MID2: variants seen among roughly 807,000 people sequenced by gnomAD.
MID2 encodes the protein midline 2.
MID2 carries 13 observed loss-of-function variants against 46.1 expected under a neutral mutation model. That is an observed-to-expected ratio of 0.28 (90% CI 0.18 to 0.45). MID2 has a LOEUF of 0.45. Among genes scored for constraint, MID2 ranks in the 20% least tolerant of loss-of-function variants. The pLI, the probability that MID2 is intolerant of heterozygous loss-of-function variation, is 1.00. For missense variants in MID2, 431 were observed against 575.4 expected (o/e 0.75, Z 2.57); for synonymous variants, 199 against 212.3 (o/e 0.94, Z 0.55).
At chrX:107,891,845 C>T (rs762786178) in intron 3 of MID2, among the ~76,000 whole-genome samples, 2 of 111,479 alleles carry the variant, frequency 1.8e-5, no homozygotes, top group African/African-American at 3.3e-5. Context: ...GCAACATAGG[C>T]TCTTCTTCAG....
intron 3 of MID2, among the ~76,000 whole-genome samples, chrX:107,877,703 G>A (rs751923688): frequency 8.9e-6 from 1 of 112,030 alleles, no homozygotes; most frequent in Admixed American, 9.4e-5. Context: ...ATGCCGTGGA[G>A]CATGGCCTCC....
rs1324326448 is a variant in MID2, at chrX:107,926,729, G to C, written c.1864G>C (p.Ala622Pro). 1.7e-6 allele frequency: 2 copies of C among 1,210,492 alleles called. No homozygotes were observed. Among genetic ancestry groups the C allele is most frequent in the South Asian group, 3.5e-5 (2 of 56,914 alleles). The stretch of plus-strand genomic sequence containing the variant: ...AAAGAATGAATGGATTGGCAAGAAT[G>C]CCTCCTCATGGGTCTTCTCTCGCTG... ...APKNEWIGKNASSWVFSRCNS... is the reference protein window; with the variant it reads ...APKNEWIGKNPSSWVFSRCNS... Residue 622 changes from alanine to proline, a missense_variant, in exon 10 of 10, where the codon GCC (alanine) becomes CCC (proline). Ala to Pro is a conservative substitution (Grantham distance 27). Coordinates refer to ENST00000262843, the MANE Select transcript of MID2 (RefSeq NM_012216.4).
intron 1 of MID2, among the ~76,000 whole-genome samples, chrX:107,839,982 G>A (rs1931300826): frequency 8.9e-6 from 1 of 111,964 alleles, no homozygotes; most frequent in African/African-American, 3.2e-5. Flanking sequence ...CTGAAGGTGA[G>A]GGAAGAAGAT....
intron 3 of MID2, among the ~76,000 whole-genome samples, chrX:107,866,412 AG>A (rs1931955924): frequency 1.0e-5 from 1 of 96,256 alleles, no homozygotes; most frequent in Admixed American, 1.3e-4. Flanking sequence ...TCAGCAGCAA[AG>A]CCACTGAAAA....
Position 107,926,868 on chromosome X carries a change from A to G in MID2, c.2003A>G (p.Tyr668Cys), listed in dbSNP as rs1933189440. The part of the protein sequence containing the change: ...LDYDNNMLSF[Y>C]DPANSLHLHT... ...TATGACAACAATATGCTGTCTTTCT[A>G]TGACCCAGCTAACTCTCTCCATCTT... The change falls in exon 10 of 10, where the codon TAT (tyrosine) becomes TGT (cysteine). Residue 668 changes from tyrosine to cysteine, a missense_variant. Transcript: ENST00000262843. 2 of 1,210,774 alleles carry G rather than the reference A, an allele frequency of 1.7e-6. No homozygotes were observed. Among genetic ancestry groups the G allele is most frequent in the Non-Finnish European group, 1.1e-6 (1 of 894,569 alleles).
At chrX:107,921,449 G>A (rs1933071309) in intron 7 of MID2, among the ~76,000 whole-genome samples, 1 of 110,825 alleles carries the variant, frequency 9.0e-6, no homozygotes, top group South Asian at 3.9e-4. Context: ...GAATCTGTGT[G>A]GTATGTTTTA....
At chrX:107,848,116 G>A (rs910079868) in intron 2 of MID2, among the ~76,000 whole-genome samples, 4 of 111,450 alleles carry the variant, frequency 3.6e-5, no homozygotes, top group Admixed American at 1.9e-4. Context: ...TCCTCAGCGT[G>A]GTGGTAGAGC....
intron 1 of MID2, among the ~76,000 whole-genome samples, chrX:107,835,470 T>C (rs1931181593): frequency 8.9e-6 from 1 of 112,340 alleles, no homozygotes; most frequent in Admixed American, 9.4e-5. Flanking sequence ...CTACCTGCAA[T>C]GTATGAGGGT....
intron 3 of MID2, among the ~76,000 whole-genome samples, chrX:107,866,422 A>AACACACACACACACAC (rs57100746): frequency 1.2e-5 from 1 of 81,190 alleles, no homozygotes; most frequent in East Asian, 4.2e-4. Context: ...AGCCACTGAA[A>AACACACACACACACAC]ACACACACAC....
chrX:107,894,865 G>GTGT (rs1257117058), intron 3 of MID2: 4 of 17,271 alleles, frequency 2.3e-4, no homozygotes, highest in Non-Finnish European at 5.4e-4. Flanking sequence ...GTGTGTGTGT[G>GTGT]AAAGAGAGAG....
At chrX:107,839,675 A>G (rs749334670) in intron 1 of MID2, among the ~76,000 whole-genome samples, 5 of 111,511 alleles carry the variant, frequency 4.5e-5, no homozygotes, top group Non-Finnish European at 9.4e-5. Flanking sequence ...CGGCCGGGTG[A>G]CCTCTTTTAC....
intron 1 of MID2, among the ~76,000 whole-genome samples, chrX:107,838,885 T>G (rs898553582): frequency 6.3e-5 from 7 of 111,914 alleles, no homozygotes; most frequent in African/African-American, 2.3e-4. Context: ...GGTGGGCAGA[T>G]TGCTTGAGCC....
rs369770750 is a variant in MID2, at chrX:107,867,514, A to G, written c.816+12810A>G. 7.2e-5 allele frequency among the ~76,000 whole-genome samples: 8 copies of G among 110,932 alleles called. No homozygotes were observed. In the East Asian group the frequency reaches 1.4e-3, roughly 19 times the overall value. ...TGCCCCTCTGCTGGGTTAAGTACAC[A>G]TTGGGAAAATAAATGATTGGAGACA... is the stretch of plus-strand genomic sequence containing the variant. On this transcript the variant is annotated intron_variant, in intron 3 of 9. Coordinates refer to ENST00000262843, the MANE Select transcript of MID2 (RefSeq NM_012216.4).
rs1221828730 is a variant in MID2, at chrX:107,926,858, C to T, written c.1993C>T (p.Leu665=). 8.3e-7 allele frequency: 1 copy of T among 1,210,104 alleles called. No homozygotes were observed. ...GVLLDYDNNM[L]SFYDPANSLH... is the part of the protein sequence containing the mutation. ...CCTCCTGGATTATGACAACAATATGCTGTCTTTCTATGACCCAGCTAACTC... is the reference window on the plus strand; with the variant it reads ...CCTCCTGGATTATGACAACAATATGTTGTCTTTCTATGACCCAGCTAACTC... Residue 665 remains leucine (L), a synonymous_variant, in exon 10 of 10, where the codon CTG becomes TTG. Transcript: ENST00000262843.
chrX:107,841,027 G>T lies in MID2; in HGVS notation c.362G>T (p.Arg121Leu), dbSNP rs147886536. The change falls in exon 2 of 10, where the codon CGC becomes CTC. Residue 121 changes from arginine to leucine, a missense_variant. Coordinates refer to ENST00000262843, the MANE Select transcript of MID2 (RefSeq NM_012216.4). ...GGGCCCAATTCCCCTAGTGAGAGCC[G>T]CCGGGAAAGGACTTACAGGCCCACC... ...VSGPNSPSES[R>L]RERTYRPTTA... 31 of 1,209,093 alleles carry T rather than the reference G, an allele frequency of 2.6e-5. 1 individual carries two copies. In the South Asian group the frequency reaches 3.9e-4, roughly 15 times the overall value.
chrX:107,881,684 G>A (rs770434653), intron 3 of MID2, among the ~76,000 whole-genome samples: 87 of 112,155 alleles, frequency 7.8e-4, no homozygotes, highest in African/African-American at 2.6e-3. Flanking sequence ...CTAGGAAACA[G>A]CACTCATTAA....
At chrX:107,913,749 A>C (rs765234204) in intron 5 of MID2, among the ~76,000 whole-genome samples, 1 of 111,835 alleles carries the variant, frequency 8.9e-6, no homozygotes, top group South Asian at 3.8e-4. Flanking sequence ...ATTCCAAGAC[A>C]CTTTAAAATC....
chrX:107,829,497 G>T (rs1931042660), intron 1 of MID2, among the ~76,000 whole-genome samples: 2 of 112,376 alleles, frequency 1.8e-5, no homozygotes, highest in African/African-American at 6.5e-5. Flanking sequence ...CCTATATGGG[G>T]GCAGTTTGTT....
At chrX:107,884,598 CTT>C (rs1932404190) in intron 3 of MID2, among the ~76,000 whole-genome samples, 1 of 112,154 alleles carries the variant, frequency 8.9e-6, no homozygotes, top group African/African-American at 3.2e-5. Flanking sequence ...GAAATGGAAA[CTT>C]AGCACAGGAA....
Sources: gnomAD v4.1 joint callset for allele counts (sites outside exome capture counted in the v4.1 genomes callset) on GRCh38, gnomAD v4.1.1 for gene constraint, MANE v1.5 for transcripts, NCBI Gene and HGNC (gene_info 2026-07-23, HGNC 2026-07-21) for gene names.